The following DIP2C variants were observed in gnomAD, a reference collection of about 807,000 sequenced individuals.
DIP2C encodes disco-interacting protein 2 homolog C.
DIP2C carries 33 observed loss-of-function variants against 192.4 expected under a neutral mutation model. That is an observed-to-expected ratio of 0.17 (90% CI 0.13 to 0.23). The LOEUF is 0.23. Among genes scored for constraint, DIP2C ranks in the 10% least tolerant of loss-of-function variants. The probability of loss-of-function intolerance (pLI) is 1.00; values close to 1 mark genes in which losing one functional copy is unlikely to be tolerated. For missense variants in DIP2C, 1,537 were observed against 2,110.1 expected (o/e 0.73, Z 5.32); for synonymous variants, 979 against 864.1 (o/e 1.13, Z -2.33).
intron 5 of DIP2C, among the ~76,000 whole-genome samples, chr10:420,790 G>A (rs1966131771): frequency 6.6e-6 from 1 of 152,148 alleles, no homozygotes; most frequent in Non-Finnish European, 1.5e-5. Context: ...CCAGCTCTGA[G>A]AGACTCCGTG....
At chr10:657,646 CCCCTGGACCTGT>C (rs1284119037) in intron 1 of DIP2C, among the ~76,000 whole-genome samples, 63 of 86,614 alleles carry the variant, frequency 7.3e-4, no homozygotes, top group East Asian at 7.7e-4. Flanking sequence ...CCTGGACCTG[CCCCTGGACCTGT>C]CCCTGGACCT....
chr10:505,991 G>T (rs771522841), intron 1 of DIP2C, among the ~76,000 whole-genome samples: 1 of 152,184 alleles, frequency 6.6e-6, no homozygotes, highest in South Asian at 2.1e-4. Context: ...GAAATCCAGG[G>T]GATTAGGAAC....
chr10:530,624 C>T (rs1024643217), intron 1 of DIP2C, among the ~76,000 whole-genome samples: 1 of 138,498 alleles, frequency 7.2e-6, no homozygotes, highest in Non-Finnish European at 1.5e-5. Context: ...TCAAGATTAG[C>T]CTGGGCAATA....
At chr10:624,815 C>G (rs560110638) in intron 1 of DIP2C, among the ~76,000 whole-genome samples, 1 of 152,306 alleles carries the variant, frequency 6.6e-6, no homozygotes, top group East Asian at 1.9e-4. Flanking sequence ...TCACCTGGGG[C>G]ACCCACGAGA....
Position 487,575 on chromosome 10 carries a change from T to TTTTG in DIP2C, c.86-1046_86-1045insCAAA, listed in dbSNP as rs1554878543. Among the ~76,000 whole-genome samples the TTTTG allele has an allele frequency of 5.6e-3, 698 of 124,370 alleles. 30 individuals carry two copies. Among genetic ancestry groups the TTTTG allele is most frequent in the African/African-American group, 0.021 (676 of 31,506 alleles). The allele number at this position is 124,370 out of a possible 152,430, so 81.6% of individuals were successfully genotyped here. On this transcript the variant is annotated intron_variant, in intron 1 of 36. Coordinates refer to ENST00000280886, the MANE Select transcript of DIP2C (RefSeq NM_014974.3). The stretch of plus-strand genomic sequence containing the variant: ...TCCGCCCATCAATGAGTGTTTTTTT[T>TTTTG]TTTTTTTTTTTTTTTTTTTTTTGAG...
At chr10:562,531 C>A (rs187782699) in intron 1 of DIP2C, among the ~76,000 whole-genome samples, 3 of 152,358 alleles carry the variant, frequency 2.0e-5, no homozygotes, top group Admixed American at 6.5e-5. Flanking sequence ...TCTGTACATT[C>A]ACTCTCATTC....
chr10:351,382 C>T (rs1306976698), intron 24 of DIP2C, among the ~76,000 whole-genome samples: 3 of 152,168 alleles, frequency 2.0e-5, no homozygotes, highest in South Asian at 2.1e-4. Context: ...ATGAGCGCAG[C>T]GAGGTCTGTG....
rs140090856 is a variant in DIP2C, at chr10:688,353, T to A, written c.85+1141A>T. 6.0e-3 allele frequency among the ~76,000 whole-genome samples: 920 copies of A among 152,292 alleles called. 33 individuals are homozygous for A. Among genetic ancestry groups the A allele is most frequent in the Admixed American group, 0.054 (824 of 15,294 alleles). On this transcript the variant is annotated intron_variant, in intron 1 of 36. Transcript: ENST00000280886. The stretch of plus-strand genomic sequence containing the variant: ...CGTCCCCAGAAGTCTGGAAAGGCAG[T>A]TGGCTGCACACCATGGCCCCTGCTC...
intron 1 of DIP2C, among the ~76,000 whole-genome samples, chr10:569,275 T>G (rs1849638491): frequency 6.6e-6 from 1 of 152,216 alleles, no homozygotes; most frequent in South Asian, 2.1e-4. Context: ...TTCTATAAAA[T>G]AATGTCATTG....
intron 1 of DIP2C, among the ~76,000 whole-genome samples, chr10:555,699 C>T (rs992389156): frequency 3.3e-5 from 5 of 152,090 alleles, no homozygotes; most frequent in Non-Finnish European, 4.4e-5. Context: ...ACCTCAGATG[C>T]GTTAATCAGA....
At chr10:632,981 G>A (rs939107590) in intron 1 of DIP2C, among the ~76,000 whole-genome samples, 3 of 152,164 alleles carry the variant, frequency 2.0e-5, no homozygotes, top group African/African-American at 4.8e-5. Flanking sequence ...CACAGGCACC[G>A]GTGTGAACTC....
chr10:379,675 T>C (rs1267704451), intron 17 of DIP2C, among the ~76,000 whole-genome samples: 1 of 152,276 alleles, frequency 6.6e-6, no homozygotes, highest in Non-Finnish European at 1.5e-5. Context: ...GCCAAAATTC[T>C]ACAAATAGTA....
intron 32 of DIP2C, among the ~76,000 whole-genome samples, chr10:302,095 AAAACTAT>A (rs1956081045): frequency 6.6e-6 from 1 of 152,178 alleles, no homozygotes; most frequent in African/African-American, 2.4e-5. Context: ...AAATAAAGGA[AAAACTAT>A]AAACTAATAA....
Position 689,456 on chromosome 10 carries a change from T to C in DIP2C, c.85+38A>G. 2 of 1,081,350 alleles carry C rather than the reference T, an allele frequency of 1.8e-6. No homozygotes were observed. The highest frequency in any genetic ancestry group is 2.2e-6 in the Non-Finnish European group (2 of 889,728). The allele number at this position is 1,081,350 out of a possible 1,614,324, so 67.0% of individuals were successfully genotyped here. ...GCCCTCCGCGCGCGGCCCTCCCCGGTGACAGCGCGGCCCGGCCCGGGGCGG... is the reference window on the plus strand; with the variant it reads ...GCCCTCCGCGCGCGGCCCTCCCCGGCGACAGCGCGGCCCGGCCCGGGGCGG... On this transcript the variant is annotated intron_variant, in intron 1 of 36. Transcript: ENST00000280886. This position sits in a 1 kb window ranked among gnomAD's most constrained non-coding sequence, Gnocchi z 6.1.
intron 1 of DIP2C, among the ~76,000 whole-genome samples, chr10:623,834 A>G (rs1310809037): frequency 6.6e-6 from 1 of 152,264 alleles, no homozygotes; most frequent in East Asian, 1.9e-4. Context: ...CCTTGCATCC[A>G]TGCCCCTATG....
At chr10:490,238 G>A (rs184926986) in intron 1 of DIP2C, among the ~76,000 whole-genome samples, 1 of 152,344 alleles carries the variant, frequency 6.6e-6, no homozygotes, top group East Asian at 1.9e-4. Context: ...CATTGGTTCA[G>A]GCTGAATGAT....
chr10:537,026 ATC>A (rs1004493858), intron 1 of DIP2C, among the ~76,000 whole-genome samples: 7 of 152,204 alleles, frequency 4.6e-5, no homozygotes, highest in Non-Finnish European at 8.8e-5. Flanking sequence ...TGTGTCCTGC[ATC>A]TCACCCCAGG....
intron 10 of DIP2C, among the ~76,000 whole-genome samples, chr10:395,871 A>G (rs1963946406): frequency 6.6e-6 from 1 of 152,172 alleles, no homozygotes; most frequent in Admixed American, 6.5e-5. Context: ...GGGACCTCCC[A>G]GCGTGAGAAG....
At chr10:686,566 C>G (rs1831345972) in intron 1 of DIP2C, among the ~76,000 whole-genome samples, 1 of 152,270 alleles carries the variant, frequency 6.6e-6, no homozygotes, top group East Asian at 1.9e-4. Flanking sequence ...CCCCTGGCCA[C>G]ACAACCTGAA....
Sources: allele counts gnomAD v4.1 joint callset (sites outside exome capture counted in the v4.1 genomes callset), GRCh38; gene constraint gnomAD v4.1.1; non-coding constraint Gnocchi (gnomAD v3.1); transcripts MANE v1.5; gene names NCBI Gene and HGNC (gene_info 2026-07-23, HGNC 2026-07-21).